The following CEP131 variants were observed in gnomAD, a reference collection of about 807,000 sequenced individuals.
CEP131 encodes the protein centrosomal protein 131.
In CEP131, 99 loss-of-function variants were observed where a neutral mutation model predicts 136.8. The observed-to-expected ratio is 0.72, with a 90% CI of 0.62 to 0.86. CEP131 has a LOEUF of 0.86. CEP131 is among the 40% of genes least tolerant of loss of function. CEP131 has a pLI of 0.00. For missense variants in CEP131, 1,459 were observed against 1,463.0 expected (o/e 1.00, Z 0.04); for synonymous variants, 646 against 612.7 (o/e 1.05, Z -0.80).
rs373044544 is a variant in CEP131 at position 81,192,716 on chromosome 17, G to A, written c.2429+20C>T. 1.8e-5 allele frequency: 28 copies of A among 1,514,882 alleles called. No individual in the cohort carries two copies. The African/African-American group carries it at 1.9e-4, about 10-fold the overall frequency. The allele number at this position is 1,514,882 out of a possible 1,614,324, so 93.8% of individuals were successfully genotyped here. ...CAGCGAGGGGTCCCTGGGAGAGGGC[G>A]TGGTGCCCCCGGGCGGCACCTGGCT... On this transcript the variant is annotated intron_variant, in intron 19 of 25. Coordinates refer to ENST00000450824, the MANE Select transcript of CEP131 (RefSeq NM_014984.4).
chr17:81,197,945 C>G, intron 12 of CEP131, 57 bp from the exon 13 acceptor site: 1 of 1,573,166 alleles, frequency 6.4e-7, no homozygotes, highest in East Asian at 2.3e-5. Context: ...GACTTGGGTT[C>G]CCCAAAGGCA....
At chr17:81,221,952 G>A (rs897663565) in intron 1 of CEP131, among the ~76,000 whole-genome samples, 6 of 152,172 alleles carry the variant, frequency 3.9e-5, no homozygotes, top group African/African-American at 1.2e-4. Context: ...CTTCCACGGA[G>A]CGATGGATAC....
chr17:81,203,502 G>A lies in CEP131; in HGVS notation c.621C>T (p.Pro207=). The A allele has an allele frequency of 1.9e-6, 3 of 1,602,058 alleles. No homozygotes were observed. The highest frequency in any genetic ancestry group is 2.2e-5 in the South Asian group (2 of 88,958). The change falls in exon 6 of 26, where the codon CCC becomes CCT. Residue 207 remains proline, a synonymous_variant. Transcript: ENST00000450824. The surrounding 1 kb of genome is among the most constrained non-coding windows in gnomAD (Gnocchi z 4.6). ...PPLKSSNQTA[P]SLNNIIKAAT... The stretch of plus-strand genomic sequence containing the variant: ...TCCCCAGAAGACCTTACTTGAGGGA[G>A]GGGGCAGTCTGGTTGGAGCTCTTGA...
chr17:81,216,691 G>A (rs1215616972), intron 2 of CEP131, among the ~76,000 whole-genome samples: 1 of 152,250 alleles, frequency 6.6e-6, no homozygotes, highest in Non-Finnish European at 1.5e-5. Context: ...GCAAGGTCGG[G>A]CAGGACAGGC....
rs148395564 is a variant in CEP131, at chr17:81,198,130, G to A, written c.1455C>T (p.Tyr485=). The A allele has an allele frequency of 1.1e-5, 18 of 1,569,144 alleles. No homozygotes were observed. Among genetic ancestry groups the A allele is most frequent in the Middle Eastern group, 4.0e-4 (2 of 5,062 alleles). The change falls in exon 12 of 26, where the codon TAC becomes TAT. Residue 485 remains tyrosine, a synonymous_variant. Coordinates refer to ENST00000450824, the MANE Select transcript of CEP131 (RefSeq NM_014984.4). ...PRPRTHHRGR[Y]AWASEEDDAS... ...CCGTGGTCACCTCGCTGGCCCAGGC[G>A]TATCTGCCCCTGTGATGGGTCCTGG...
intron 7 of CEP131, among the ~76,000 whole-genome samples, chr17:81,201,076 T>C (rs2061879853): frequency 6.6e-6 from 1 of 151,960 alleles, no homozygotes. Flanking sequence ...GTAAAACTGA[T>C]TAAGCAAAAA....
Position 81,203,440 on chromosome 17 carries a change from T to A in CEP131, c.629+54A>T. On this transcript the variant is annotated intron_variant, in intron 6 of 25. Coordinates refer to ENST00000450824, the MANE Select transcript of CEP131 (RefSeq NM_014984.4). This position sits in a 1 kb window ranked among gnomAD's most constrained non-coding sequence, Gnocchi z 4.6. ...TCGGACCCCAGGTGCACTGACTACA[T>A]GCCCTAACTGAGGTCGGACCCCGCA... 6 of 1,416,318 alleles carry A rather than the reference T, an allele frequency of 4.2e-6. No individual in the cohort carries two copies. Among genetic ancestry groups the A allele is most frequent in the Non-Finnish European group, 5.8e-6 (6 of 1,031,954 alleles). The allele number at this position is 1,416,318 out of a possible 1,614,324, so 87.7% of individuals were successfully genotyped here.
chr17:81,194,055 T>C lies in CEP131; in HGVS notation c.2192A>G (p.Glu731Gly). 1 of 1,584,946 alleles carries C rather than the reference T, an allele frequency of 6.3e-7. No individual in the cohort carries two copies. Among genetic ancestry groups the C allele is most frequent in the Non-Finnish European group, 8.6e-7 (1 of 1,166,020 alleles). The change falls in exon 18 of 26, where the codon GAG (glutamate) becomes GGG (glycine). Residue 731 changes from glutamate to glycine, a missense_variant. Transcript: ENST00000450824. Reference sequence around the variant, plus strand: ...CTCATCCGACTGCAGCAGCTCCGCCTCGTGCAGGCTCTTGAGCCTCCGCAC... The same window carrying C: ...CTCATCCGACTGCAGCAGCTCCGCCCCGTGCAGGCTCTTGAGCCTCCGCAC... ...QEVRRLKSLH[E>G]AELLQSDERA...
At chr17:81,220,780 C>T (rs1387582842) in intron 1 of CEP131, among the ~76,000 whole-genome samples, 1 of 151,742 alleles carries the variant, frequency 6.6e-6, no homozygotes, top group Non-Finnish European at 1.5e-5. Flanking sequence ...GGATTACAGG[C>T]ATGAGCCACC....
At position 81,202,396 on chromosome 17, in the gene CEP131, T is replaced by C. The variant is rs2061912609; in HGVS notation, c.632A>G (p.Asn211Ser). ...CTCACAGGTGGCTGCCTTGATGATG[T>C]TGCTGACAGGTAAGAAGAAAACACC... Reference protein sequence around the residue: ...SSNQTAPSLNNIIKAATCEGS... With the variant: ...SSNQTAPSLNSIIKAATCEGS... The change falls in exon 7 of 26, where the codon AAC (asparagine) becomes AGC (serine). Residue 211 changes from asparagine (N) to serine (S), a missense_variant and splice_region_variant. Asn to Ser is a conservative substitution (Grantham distance 46). Around this residue, in one of 3 missense-constraint regions of CEP131, gnomAD observed 246 missense variants for 318.9 expected, o/e 0.77. Transcript: ENST00000450824. 1 of 1,612,740 alleles carries C rather than the reference T, an allele frequency of 6.2e-7. No individual in the cohort carries two copies. The highest frequency in any genetic ancestry group is 8.5e-7 in the Non-Finnish European group (1 of 1,179,724).
intron 1 of CEP131, among the ~76,000 whole-genome samples, chr17:81,221,958 G>C (rs1318884439): frequency 6.6e-6 from 1 of 152,176 alleles, no homozygotes; most frequent in Non-Finnish European, 1.5e-5. Context: ...CGGAGCGATG[G>C]ATACCCCTAC....
At chr17:81,195,317 G>A (rs2061730800) in intron 16 of CEP131, among the ~76,000 whole-genome samples, 1 of 152,228 alleles carries the variant, frequency 6.6e-6, no homozygotes, top group African/African-American at 2.4e-5. Flanking sequence ...CCGGCTGTCA[G>A]CCACAGTCAC....
chr17:81,202,267 T>C lies in CEP131; in HGVS notation c.761A>G (p.Lys254Arg), dbSNP rs1021956409. ...TGGSTGLPRR[K>R]EVTEEEAERF... ...CTCAGCCTCCTCCTCCGTCACCTCC[T>C]TCCGCCTGGGCAAGCCCGTGCTGCC... The change falls in exon 7 of 26, where the codon AAG becomes AGG. Residue 254 changes from lysine (K) to arginine (R), a missense_variant. Lys to Arg is a conservative substitution (Grantham distance 26, BLOSUM62 2). This residue lies in a region of CEP131 where 246 missense variants were observed against 318.9 expected (regional missense o/e 0.77). Transcript: ENST00000450824. 1 of 1,403,860 alleles carries C rather than the reference T, an allele frequency of 7.1e-7. No homozygotes were observed. The allele number at this position is 1,403,860 out of a possible 1,614,324, so 87.0% of individuals were successfully genotyped here.
intron 2 of CEP131, among the ~76,000 whole-genome samples, chr17:81,212,321 CAAAAA>C (rs71166130): frequency 2.2e-5 from 3 of 135,094 alleles, no homozygotes; most frequent in Non-Finnish European, 4.7e-5. Context: ...GATTCCCTCT[CAAAAA>C]AAAAAAAAAA....
intron 7 of CEP131, among the ~76,000 whole-genome samples, chr17:81,201,002 G>C (rs575175205): frequency 6.6e-6 from 1 of 152,216 alleles, no homozygotes; most frequent in East Asian, 1.9e-4. Context: ...TATACACCCT[G>C]GTGGAATCTC....
rs556000840 is a variant in CEP131, at chr17:81,198,731, G to A, written c.1287+146C>T. The A allele has an allele frequency of 1.6e-3, 1,207 of 765,694 alleles. 4 individuals are homozygous for A. The highest frequency in any genetic ancestry group is 1.6e-3 in the Non-Finnish European group (749 of 475,982). 47.4% of individuals were successfully genotyped at this position (765,694 alleles called of 1,614,324 possible). On this transcript the variant is annotated intron_variant, in intron 11 of 25. Coordinates refer to ENST00000450824, the MANE Select transcript of CEP131 (RefSeq NM_014984.4). ...CCAGCACCATGCATCAGAGCAAGAA[G>A]ACACCTCCTGGGTGGCCTCTCTGAG...
At chr17:81,217,808 C>T (rs1048785520) in intron 2 of CEP131, among the ~76,000 whole-genome samples, 1 of 152,180 alleles carries the variant, frequency 6.6e-6, no homozygotes, top group Non-Finnish European at 1.5e-5. Context: ...ATATGAGTAG[C>T]GCTCGCTGTG....
Position 81,202,405 on chromosome 17 carries a change from G to A in CEP131, c.630-7C>T, listed in dbSNP as rs2061912768. ...GGCTGCCTTGATGATGTTGCTGACA[G>A]GTAAGAAGAAAACACCCTCGTCTCA... On this transcript the variant is annotated splice_polypyrimidine_tract_variant and splice_region_variant and intron_variant, in intron 6 of 25. Coordinates refer to ENST00000450824, the MANE Select transcript of CEP131 (RefSeq NM_014984.4). 6 of 1,612,064 alleles carry A rather than the reference G, an allele frequency of 3.7e-6. No individual in the cohort carries two copies. Among genetic ancestry groups the A allele is most frequent in the Non-Finnish European group, 5.1e-6 (6 of 1,179,546 alleles).
In CEP131 at chr17:81,189,758, G is replaced by A. The variant is rs763325899; in HGVS notation, c.*11C>T. ...CCTTCCGTTCTTCGACAGTGTTCCC[G>A]GCATCCCTGGTCACTTGGTACTTGG... is the stretch of plus-strand genomic sequence containing the variant. On this transcript the variant is annotated 3_prime_UTR_variant, in exon 26 of 26. Coordinates refer to ENST00000450824, the MANE Select transcript of CEP131 (RefSeq NM_014984.4). 54 of 1,589,394 alleles carry A rather than the reference G, an allele frequency of 3.4e-5. No homozygotes were observed. Among genetic ancestry groups the A allele is most frequent in the Middle Eastern group, 2.0e-4 (1 of 4,888 alleles).
Sources: allele counts gnomAD v4.1 joint callset (sites outside exome capture counted in the v4.1 genomes callset), GRCh38; gene constraint gnomAD v4.1.1; regional missense constraint gnomAD v4.1.1; non-coding constraint Gnocchi (gnomAD v3.1); transcripts MANE v1.5; gene names NCBI Gene and HGNC (gene_info 2026-07-23, HGNC 2026-07-21).